Variants in BNC2 observed in about 807,000 individuals in gnomAD.
The protein encoded by BNC2 is basonuclin zinc finger protein 2.
Under a neutral mutation model 76.3 loss-of-function variants are expected in BNC2, and 20 were observed. The observed-to-expected ratio is 0.26, with a 90% CI of 0.18 to 0.38. The LOEUF (loss-of-function observed/expected upper bound fraction) is 0.38. Among genes scored for constraint, BNC2 ranks in the 10% least tolerant of loss-of-function variants. BNC2 has a pLI of 1.00. For missense variants in BNC2, 1,382 were observed against 1,399.8 expected (o/e 0.99, Z 0.20); for synonymous variants, 582 against 514.8 (o/e 1.13, Z -1.77).
intron 1 of BNC2, among the ~76,000 whole-genome samples, chr9:16,798,023 C>T (rs929367842): frequency 6.6e-6 from 1 of 152,164 alleles, no homozygotes; most frequent in Admixed American, 6.5e-5. Flanking sequence ...CATCAGTTCA[C>T]CCTGGGCATT....
intron 1 of BNC2, among the ~76,000 whole-genome samples, chr9:16,825,868 A>AT (rs201352200): frequency 0.059 from 8,866 of 149,804 alleles, 278 homozygotes; most frequent in Middle Eastern, 0.13. Flanking sequence ...GCATAACTGT[A>AT]TTTTTTTTTT....
intron 5 of BNC2, among the ~76,000 whole-genome samples, chr9:16,510,353 C>G (rs1451000531): frequency 2.0e-5 from 3 of 152,192 alleles, no homozygotes; most frequent in East Asian, 1.9e-4. Context: ...AAAGGAAAGT[C>G]TCCTACTTCG....
chr9:16,769,272 G>A (rs1307820344), intron 1 of BNC2, among the ~76,000 whole-genome samples: 1 of 152,166 alleles, frequency 6.6e-6, no homozygotes, highest in Non-Finnish European at 1.5e-5. Context: ...GACCACGTCT[G>A]TTCGTGTCAC....
intron 3 of BNC2, among the ~76,000 whole-genome samples, chr9:16,671,059 C>A (rs1054514315): frequency 4.6e-5 from 7 of 152,030 alleles, no homozygotes; most frequent in Non-Finnish European, 8.8e-5. Context: ...GAAATGAGAG[C>A]CAATGGTTAA....
chr9:16,596,009 A>G (rs898792229), intron 3 of BNC2, among the ~76,000 whole-genome samples: 10 of 152,122 alleles, frequency 6.6e-5, no homozygotes, highest in Non-Finnish European at 1.2e-4. Context: ...AGCAGCTAAT[A>G]TGGTCCATTG....
intron 1 of BNC2, among the ~76,000 whole-genome samples, chr9:16,803,106 C>T (rs1247871376): frequency 6.6e-6 from 1 of 152,140 alleles, no homozygotes; most frequent in East Asian, 1.9e-4. Context: ...TATTCCTAAA[C>T]ATTTGGACTT....
rs116009048 is a variant in BNC2 at position 16,792,381 on chromosome 9, T to C, written c.4-53896A>G. Among the ~76,000 whole-genome samples the C allele has an allele frequency of 1.5e-3, 233 of 152,324 alleles. 1 individual carries two copies. The highest frequency in any genetic ancestry group is 6.8e-3 in the Middle Eastern group (2 of 294). ...TCTTCAAAACTTCATCACTAACTTA[T>C]CTGCTTTCCTCAGAAAGAAGGATAC... On this transcript the variant is annotated intron_variant, in intron 1 of 6. Transcript: ENST00000380672.
chr9:16,751,692 G>GTA (rs139105343), intron 1 of BNC2, among the ~76,000 whole-genome samples: 37 of 102,672 alleles, frequency 3.6e-4, no homozygotes, highest in African/African-American at 9.5e-4. Context: ...ATGTATGTGT[G>GTA]TATATATATA....
chr9:16,478,821 C>T (rs1821983288), intron 5 of BNC2, among the ~76,000 whole-genome samples: 1 of 152,176 alleles, frequency 6.6e-6, no homozygotes, highest in Non-Finnish European at 1.5e-5. Context: ...TATTTTGTGG[C>T]TCCCTGCATT....
intron 3 of BNC2, among the ~76,000 whole-genome samples, chr9:16,680,282 G>C (rs1032749067): frequency 1.3e-5 from 2 of 152,090 alleles, no homozygotes; most frequent in East Asian, 1.9e-4. Flanking sequence ...TGAAAAACAG[G>C]CTTCACACTT....
chr9:16,850,340 A>C (rs1247393894), intron 1 of BNC2, among the ~76,000 whole-genome samples: 3 of 152,226 alleles, frequency 2.0e-5, no homozygotes, highest in Admixed American at 6.5e-5. Flanking sequence ...GCATGAATCT[A>C]TAAGTGCACA....
intron 3 of BNC2, among the ~76,000 whole-genome samples, chr9:16,695,384 A>T (rs1057070940): frequency 6.6e-6 from 1 of 152,066 alleles, no homozygotes; most frequent in Non-Finnish European, 1.5e-5. Context: ...CTGCAACCTT[A>T]AACTCCTAGA....
At chr9:16,596,878 C>T (rs1015829319) in intron 3 of BNC2, among the ~76,000 whole-genome samples, 7 of 151,916 alleles carry the variant, frequency 4.6e-5, no homozygotes, top group African/African-American at 7.3e-5. Flanking sequence ...TTCATGGCAA[C>T]GAAGAAAAGC....
At chr9:16,638,132 T>C (rs547952297) in intron 3 of BNC2, among the ~76,000 whole-genome samples, 2 of 152,296 alleles carry the variant, frequency 1.3e-5, no homozygotes, top group Middle Eastern at 3.4e-3. Flanking sequence ...GGGAGTCTTG[T>C]AGGAACAAGC....
chr9:16,665,878 T>C (rs1484415157), intron 3 of BNC2, among the ~76,000 whole-genome samples: 1 of 152,120 alleles, frequency 6.6e-6, no homozygotes, highest in Non-Finnish European at 1.5e-5. Context: ...TAGTAAATCA[T>C]CTGTAACTAA....
chr9:16,553,072 G>C (rs952389191), intron 4 of BNC2, among the ~76,000 whole-genome samples: 4 of 152,062 alleles, frequency 2.6e-5, no homozygotes, highest in African/African-American at 7.2e-5. Flanking sequence ...ACCGTGGCTG[G>C]TGCTAAAAAC....
intron 1 of BNC2, among the ~76,000 whole-genome samples, chr9:16,791,190 T>C (rs1188969254): frequency 6.6e-6 from 1 of 151,884 alleles, no homozygotes; most frequent in Non-Finnish European, 1.5e-5. Context: ...GCCTCCCGAG[T>C]AGCTGGGACT....
In BNC2 at chr9:16,423,535, C is replaced by T. The variant is rs114260624; in HGVS notation, c.2640-3886G>A. On this transcript the variant is annotated intron_variant, in intron 6 of 6. Coordinates refer to ENST00000380672, the MANE Select transcript of BNC2 (RefSeq NM_017637.6). ...CTTACTCAATCTTATGTGTCCTGCA[C>T]GTAAAGTAGAATACTTTGCACAGAG... Among the ~76,000 whole-genome samples the T allele has an allele frequency of 4.2e-3, 634 of 152,232 alleles. 1 individual carries two copies. Among genetic ancestry groups the T allele is most frequent in the Middle Eastern group, 0.02 (6 of 294 alleles).
At chr9:16,685,481 G>C (rs1240320367) in intron 3 of BNC2, 29 of 1,044,862 alleles carry the variant, frequency 2.8e-5, no homozygotes, top group Non-Finnish European at 1.3e-5. Flanking sequence ...ATACCCAAAT[G>C]GCTTTCCAGG....
Sources: gnomAD v4.1 joint callset for allele counts (sites outside exome capture counted in the v4.1 genomes callset) on GRCh38, gnomAD v4.1.1 for gene constraint, MANE v1.5 for transcripts, NCBI Gene and HGNC (gene_info 2026-07-23, HGNC 2026-07-21) for gene names.